PARD3B: variants seen among roughly 807,000 people sequenced by gnomAD.
The protein encoded by PARD3B is par-3 family cell polarity regulator beta.
In PARD3B, 103 loss-of-function variants were observed where a neutral mutation model predicts 130.2. The ratio of observed to expected loss-of-function variants is 0.79; its 90% CI spans 0.67 to 0.93. PARD3B has a LOEUF of 0.93. Among genes scored for constraint, PARD3B ranks in the 40% least tolerant of loss-of-function variants. PARD3B has a pLI of 0.00. For synonymous variants in PARD3B, 583 were observed against 553.2 expected (o/e 1.05, Z -0.76); for missense variants, 1,609 against 1,499.2 (o/e 1.07, Z -1.21).
At position 205,547,794 on chromosome 2, in the gene PARD3B, G is replaced by A. The variant is rs112045223; in HGVS notation, c.3181-5530G>A. ...AGTCAGTCTTGCCATAATAAACAGCGGAAGTATGGCCACTGCCTCAATTCT... is the reference window on the plus strand; with the variant it reads ...AGTCAGTCTTGCCATAATAAACAGCAGAAGTATGGCCACTGCCTCAATTCT... On this transcript the variant is annotated intron_variant, in intron 21 of 22. Transcript: ENST00000406610. 6.6e-4 allele frequency among the ~76,000 whole-genome samples: 100 copies of A among 152,294 alleles called. 1 individual carries two copies. Among genetic ancestry groups the A allele is most frequent in the African/African-American group, 2.0e-3 (83 of 41,572 alleles).
rs528874362 is a variant in PARD3B at position 205,280,904 on chromosome 2, G to A, written c.2186-19626G>A. 8.5e-5 allele frequency among the ~76,000 whole-genome samples: 13 copies of A among 152,316 alleles called. No homozygotes were observed. The East Asian group carries it at 2.3e-3, about 27-fold the overall frequency. Reference sequence around the variant, plus strand: ...TTTAGTTTGCTGGCTGTTTCAAGATGCTGTGGCGTATTGATTCCTTTTATT... The same window carrying A: ...TTTAGTTTGCTGGCTGTTTCAAGATACTGTGGCGTATTGATTCCTTTTATT... On this transcript the variant is annotated intron_variant, in intron 16 of 22. Transcript: ENST00000406610. The surrounding 1 kb of genome is among the most constrained non-coding windows in gnomAD (Gnocchi z 4.7).
chr2:204,565,857 G>A (rs1290352158), intron 1 of PARD3B, among the ~76,000 whole-genome samples: 1 of 152,158 alleles, frequency 6.6e-6, no homozygotes, highest in African/African-American at 2.4e-5. Flanking sequence ...TTTCTCTGAG[G>A]TGACCACTGT....
chr2:204,740,475 T>C (rs1342860472), intron 2 of PARD3B, among the ~76,000 whole-genome samples: 1 of 152,222 alleles, frequency 6.6e-6, no homozygotes, highest in East Asian at 1.9e-4. Flanking sequence ...AACTGTTTTA[T>C]TATGCTTCTG....
chr2:205,016,631 G>A (rs933372770), intron 3 of PARD3B, among the ~76,000 whole-genome samples: 6 of 152,138 alleles, frequency 3.9e-5, no homozygotes, highest in Admixed American at 6.5e-5. Context: ...AGGAACCTCC[G>A]GTCCTAAGGC....
intron 19 of PARD3B, among the ~76,000 whole-genome samples, chr2:205,404,072 C>A (rs1381180482): frequency 6.6e-6 from 1 of 152,090 alleles, no homozygotes; most frequent in African/African-American, 2.4e-5. Flanking sequence ...CTATTAAAAC[C>A]ATACATAACT....
intron 5 of PARD3B, among the ~76,000 whole-genome samples, chr2:205,109,317 C>T (rs1165249758): frequency 2.0e-5 from 3 of 152,184 alleles, no homozygotes; most frequent in Non-Finnish European, 2.9e-5. Context: ...TGAATCCACC[C>T]TTCCAGAAAA....
chr2:204,777,076 C>A (rs756550925), intron 2 of PARD3B, among the ~76,000 whole-genome samples: 1 of 152,130 alleles, frequency 6.6e-6, no homozygotes, highest in Non-Finnish European at 1.5e-5. Context: ...TATGTTCATT[C>A]CTGTTGTAGA....
At chr2:204,931,269 G>A (rs553647161) in intron 2 of PARD3B, among the ~76,000 whole-genome samples, 1 of 152,110 alleles carries the variant, frequency 6.6e-6, no homozygotes, top group East Asian at 1.9e-4. Flanking sequence ...ACCATTTTAA[G>A]GTTCAGTTTC....
chr2:205,006,771 A>G (rs918464491), intron 3 of PARD3B, among the ~76,000 whole-genome samples: 4 of 151,598 alleles, frequency 2.6e-5, no homozygotes, highest in African/African-American at 9.7e-5. Flanking sequence ...TTGTCTGTTT[A>G]CTCTGCTGAT....
At chr2:205,053,436 G>A (rs552881764) in intron 4 of PARD3B, among the ~76,000 whole-genome samples, 31 of 151,898 alleles carry the variant, frequency 2.0e-4, no homozygotes, top group African/African-American at 6.3e-4. Context: ...TTAGGAGTTC[G>A]AGACCAGCTG....
At chr2:205,175,564 C>T (rs1025661009) in intron 12 of PARD3B, among the ~76,000 whole-genome samples, 1 of 152,176 alleles carries the variant, frequency 6.6e-6, no homozygotes, top group Non-Finnish European at 1.5e-5. Flanking sequence ...CTCAGAAGAG[C>T]TCTGGGAATC....
chr2:205,261,430 GA>G (rs1445418014), intron 16 of PARD3B, among the ~76,000 whole-genome samples: 5 of 152,152 alleles, frequency 3.3e-5, no homozygotes, highest in Admixed American at 3.3e-4. Flanking sequence ...ATAAAGGACT[GA>G]AGTCAAATAA....
In PARD3B at chr2:205,037,569, TATATAAG is replaced by T. The variant is rs1467431181; in HGVS notation, c.395-10006_395-10000del. On this transcript the variant is annotated intron_variant, in intron 3 of 22. Transcript: ENST00000406610. The stretch of plus-strand genomic sequence containing the variant: ...TATGTAAAATATATACAGTGGACTA[TATATAAG>T]ATATATGTACAGTCGACTATATATA... 8.1e-5 allele frequency among the ~76,000 whole-genome samples: 12 copies of T among 148,216 alleles called. No individual in the cohort carries two copies. In the South Asian group the frequency reaches 1.7e-3, roughly 21 times the overall value.
intron 18 of PARD3B, among the ~76,000 whole-genome samples, chr2:205,326,372 T>C (rs552697911): frequency 3.9e-5 from 6 of 152,290 alleles, no homozygotes; most frequent in South Asian, 4.1e-4. Context: ...AATTTGACAA[T>C]TGAATTTTTT....
intron 8 of PARD3B, among the ~76,000 whole-genome samples, chr2:205,123,790 C>G (rs919441339): frequency 6.6e-6 from 1 of 151,856 alleles, no homozygotes; most frequent in African/African-American, 2.4e-5. Context: ...GTAGAGAAAT[C>G]TGAGCATACC....
At chr2:205,279,084 A>AAAAAAAAAAAAAAAC in intron 16 of PARD3B, among the ~76,000 whole-genome samples, 1 of 149,734 alleles carries the variant, frequency 6.7e-6, no homozygotes, top group African/African-American at 2.4e-5. Context: ...AAAAAAAAAA[A>AAAAAAAAAAAAAAAC]AAAAAAAAAA....
rs778130620 is a variant in PARD3B, at chr2:205,276,996, G to T, written c.2186-23534G>T. Among the ~76,000 whole-genome samples, 4 of 152,182 alleles carry T rather than the reference G, an allele frequency of 2.6e-5. No homozygotes were observed. The highest frequency in any genetic ancestry group is 5.9e-5 in the Non-Finnish European group (4 of 68,030). On this transcript the variant is annotated intron_variant, in intron 16 of 22. Transcript: ENST00000406610. The surrounding 1 kb of genome is among the most constrained non-coding windows in gnomAD (Gnocchi z 5.0). ...CCTAGGACAACCTCCATACCTGCTA[G>T]TTGTTATGTTTGAGTGATCTGCATA...
At chr2:204,814,985 G>A (rs764778674) in intron 2 of PARD3B, among the ~76,000 whole-genome samples, 1 of 151,638 alleles carries the variant, frequency 6.6e-6, no homozygotes, top group African/African-American at 2.4e-5. Flanking sequence ...CTAAAATTTT[G>A]TTCAGGATTT....
chr2:205,233,662 A>T (rs567450077), intron 15 of PARD3B, among the ~76,000 whole-genome samples: 1 of 152,264 alleles, frequency 6.6e-6, no homozygotes, highest in African/African-American at 2.4e-5. Context: ...ATTAAGTTGA[A>T]AATAGTATAA....
Sources: allele counts gnomAD v4.1 joint callset (sites outside exome capture counted in the v4.1 genomes callset), GRCh38; gene constraint gnomAD v4.1.1; non-coding constraint Gnocchi (gnomAD v3.1); transcripts MANE v1.5; gene names NCBI Gene and HGNC (gene_info 2026-07-23, HGNC 2026-07-21).